UNC5D: variants seen among roughly 807,000 people sequenced by gnomAD.
UNC5D encodes unc-5 netrin receptor D, also known as netrin receptor UNC5D.
UNC5D carries 39 observed loss-of-function variants against 105.4 expected under a neutral mutation model. The observed-to-expected ratio is 0.37, with a 90% CI of 0.29 to 0.48. The LOEUF is 0.48. UNC5D is among the 20% of genes least tolerant of loss of function. The pLI is 0.98. For synonymous variants in UNC5D, 452 were observed against 450.4 expected (o/e 1.00, Z -0.04); for missense variants, 991 against 1,202.4 (o/e 0.82, Z 2.60).
intron 1 of UNC5D, among the ~76,000 whole-genome samples, chr8:35,275,892 G>C (rs1038277472): frequency 1.3e-5 from 2 of 152,030 alleles, no homozygotes; most frequent in Non-Finnish European, 2.9e-5. Context: ...AGACCTTCTG[G>C]AAACAAAATA....
chr8:35,439,199 A>G (rs1807235141), intron 1 of UNC5D, among the ~76,000 whole-genome samples: 1 of 152,048 alleles, frequency 6.6e-6, no homozygotes, highest in South Asian at 2.1e-4. Context: ...TCCATAAATC[A>G]TCGTCATTCT....
chr8:35,699,636 T>C (rs1414426747), intron 7 of UNC5D, among the ~76,000 whole-genome samples: 1 of 152,198 alleles, frequency 6.6e-6, no homozygotes, highest in Admixed American at 6.5e-5. Flanking sequence ...AAACTTCCTA[T>C]TCTCTGTGCT....
chr8:35,336,766 G>C lies in UNC5D; in HGVS notation c.103+100879G>C, dbSNP rs554767446. ...GAGGAGATGATTTTTCAAACACAAAGCCCAGATAGACCAAAGGAAATAGTG... is the reference window on the plus strand; with the variant it reads ...GAGGAGATGATTTTTCAAACACAAACCCCAGATAGACCAAAGGAAATAGTG... On this transcript the variant is annotated intron_variant, in intron 1 of 16. Coordinates refer to ENST00000404895, the MANE Select transcript of UNC5D (RefSeq NM_080872.4). Among the ~76,000 whole-genome samples the C allele has an allele frequency of 9.3e-5, 14 of 151,160 alleles. 1 individual carries two copies. The South Asian group carries it at 2.7e-3, about 29-fold the overall frequency.
chr8:35,266,886 T>C (rs998592141), intron 1 of UNC5D, among the ~76,000 whole-genome samples: 1 of 152,162 alleles, frequency 6.6e-6, no homozygotes, highest in Non-Finnish European at 1.5e-5. Context: ...ATGGAGCCTC[T>C]GGAGAATGCC....
chr8:35,443,689 G>T (rs1807585295), intron 1 of UNC5D, among the ~76,000 whole-genome samples: 1 of 151,882 alleles, frequency 6.6e-6, no homozygotes, highest in African/African-American at 2.4e-5. Flanking sequence ...TATTATTATG[G>T]TTAAATGTAC....
At chr8:35,480,877 A>G (rs1029163080) in intron 1 of UNC5D, among the ~76,000 whole-genome samples, 1 of 152,176 alleles carries the variant, frequency 6.6e-6, no homozygotes, top group African/African-American at 2.4e-5. Context: ...AGAATTTGGT[A>G]CAGTCTGTTT....
intron 15 of UNC5D, among the ~76,000 whole-genome samples, chr8:35,767,612 A>C (rs1801830085): frequency 6.6e-6 from 1 of 152,110 alleles, no homozygotes; most frequent in Admixed American, 6.6e-5. Context: ...CTTCCAATAC[A>C]ATAATATAAG....
intron 1 of UNC5D, among the ~76,000 whole-genome samples, chr8:35,486,542 AT>A (rs1395420277): frequency 2.0e-5 from 3 of 152,192 alleles, no homozygotes; most frequent in African/African-American, 7.2e-5. Context: ...TAATTTTTTA[AT>A]TATTATTAAC....
intron 4 of UNC5D, among the ~76,000 whole-genome samples, chr8:35,622,228 G>T (rs1420172651): frequency 6.6e-6 from 1 of 152,134 alleles, no homozygotes; most frequent in Non-Finnish European, 1.5e-5. Flanking sequence ...TTTAGTCCCA[G>T]CTACTCGAGA....
intron 10 of UNC5D, 47 bp downstream of exon 10, chr8:35,726,576 T>A: frequency 6.3e-7 from 1 of 1,584,962 alleles, no homozygotes; most frequent in South Asian, 1.1e-5. Flanking sequence ...TTTAAATGTT[T>A]CATTTTTACA....
intron 1 of UNC5D, among the ~76,000 whole-genome samples, chr8:35,391,399 C>A (rs1368450386): frequency 6.6e-6 from 1 of 152,112 alleles, no homozygotes; most frequent in Non-Finnish European, 1.5e-5. Flanking sequence ...ATTTAAGTGT[C>A]TAATTAAGAA....
intron 1 of UNC5D, among the ~76,000 whole-genome samples, chr8:35,519,798 G>T (rs1813339112): frequency 6.6e-6 from 1 of 151,852 alleles, no homozygotes; most frequent in South Asian, 2.1e-4. Flanking sequence ...AATATGAATG[G>T]CTAAGAAACA....
chr8:35,450,891 T>A (rs1286275828), intron 1 of UNC5D, among the ~76,000 whole-genome samples: 1 of 152,176 alleles, frequency 6.6e-6, no homozygotes, highest in African/African-American at 2.4e-5. Context: ...TAGGCTAAAG[T>A]AAGTGCTCTG....
chr8:35,582,384 T>A (rs977300770), intron 3 of UNC5D, among the ~76,000 whole-genome samples: 1 of 152,182 alleles, frequency 6.6e-6, no homozygotes, highest in African/African-American at 2.4e-5. Flanking sequence ...TTTTATTTTT[T>A]AAAAAATATA....
intron 1 of UNC5D, among the ~76,000 whole-genome samples, chr8:35,485,633 A>G (rs1411579927): frequency 6.6e-6 from 1 of 152,154 alleles, no homozygotes; most frequent in Non-Finnish European, 1.5e-5. Flanking sequence ...GTACCCCAGT[A>G]GCACAAGCAG....
At chr8:35,478,244 T>C (rs934452555) in intron 1 of UNC5D, among the ~76,000 whole-genome samples, 9 of 152,152 alleles carry the variant, frequency 5.9e-5, no homozygotes, top group Non-Finnish European at 1.2e-4. Context: ...AAAAATAATA[T>C]GTGAGCCCAC....
chr8:35,402,183 C>A (rs1804510921), intron 1 of UNC5D, among the ~76,000 whole-genome samples: 3 of 152,148 alleles, frequency 2.0e-5, no homozygotes, highest in African/African-American at 7.2e-5. Flanking sequence ...TCATTATCCC[C>A]TCTCCACCTG....
chr8:35,707,911 C>A (rs1827695351), intron 8 of UNC5D, among the ~76,000 whole-genome samples: 1 of 152,058 alleles, frequency 6.6e-6, no homozygotes, highest in Non-Finnish European at 1.5e-5. Flanking sequence ...TGTGATTTCT[C>A]TAAAAATAAG....
At chr8:35,724,128 A>G (rs989084353) in intron 9 of UNC5D, 14 of 1,421,334 alleles carry the variant, frequency 9.8e-6, no homozygotes, top group Non-Finnish European at 1.3e-5. Context: ...TCCCTGGCCT[A>G]CACCTGTCTG....
Sources: gnomAD v4.1 joint callset for allele counts (sites outside exome capture counted in the v4.1 genomes callset) on GRCh38, gnomAD v4.1.1 for gene constraint, MANE v1.5 for transcripts, NCBI Gene and HGNC (gene_info 2026-07-23, HGNC 2026-07-21) for gene names.